PCDH9: variants seen among roughly 807,000 people sequenced by gnomAD.
PCDH9 encodes protocadherin-9.
In PCDH9, 24 loss-of-function variants were observed where a neutral mutation model predicts 70.6. That is an observed-to-expected ratio of 0.34 (90% CI 0.25 to 0.48). The LOEUF (loss-of-function observed/expected upper bound fraction) is 0.48. Ranked by LOEUF, PCDH9 falls within the 20% of genes least tolerant of loss-of-function variation. The probability of loss-of-function intolerance (pLI) is 0.99; values close to 1 mark genes in which losing one functional copy is unlikely to be tolerated. For synonymous variants in PCDH9, 562 were observed against 558.5 expected (o/e 1.01, Z -0.09); for missense variants, 1,281 against 1,503.6 (o/e 0.85, Z 2.45).
intron 4 of PCDH9, among the ~76,000 whole-genome samples, chr13:66,316,457 C>A (rs1220298126): frequency 1.3e-5 from 2 of 152,172 alleles, no homozygotes; most frequent in Admixed American, 6.5e-5. Flanking sequence ...CTGGTTCCTG[C>A]AGAGCTTTCT....
Position 66,949,008 on chromosome 13 carries a change from G to GA in PCDH9, c.3037-45404dup, listed in dbSNP as rs112573918. On this transcript the variant is annotated intron_variant, in intron 2 of 4. Coordinates refer to ENST00000377865, the MANE Select transcript of PCDH9 (RefSeq NM_203487.3). ...TACATGCTAAATCAGTGCTTAAAAGGAAAAAAAAAACTTCTCTTAATCTTT... is the reference window on the plus strand; with the variant it reads ...TACATGCTAAATCAGTGCTTAAAAGGAAAAAAAAAAACTTCTCTTAATCTTT... Among the ~76,000 whole-genome samples, 215 of 146,604 alleles carry GA rather than the reference G, an allele frequency of 1.5e-3. 1 individual carries two copies. The highest frequency in any genetic ancestry group is 3.9e-3 in the African/African-American group (158 of 40,164).
At chr13:67,026,229 C>T (rs1282540187) in intron 2 of PCDH9, among the ~76,000 whole-genome samples, 1 of 152,088 alleles carries the variant, frequency 6.6e-6, no homozygotes, top group African/African-American at 2.4e-5. Flanking sequence ...TTTTGATGTG[C>T]TGCTGGATTT....
chr13:66,557,054 A>G (rs1261093894), intron 4 of PCDH9, among the ~76,000 whole-genome samples: 1 of 152,200 alleles, frequency 6.6e-6, no homozygotes, highest in Non-Finnish European at 1.5e-5. Context: ...TTGCTTTACA[A>G]ATTACAAAGG....
intron 4 of PCDH9, among the ~76,000 whole-genome samples, chr13:66,551,247 C>A (rs1202734528): frequency 6.6e-6 from 1 of 152,098 alleles, no homozygotes; most frequent in Non-Finnish European, 1.5e-5. Flanking sequence ...AAGCTGTCTC[C>A]ACCAAAGGGA....
chr13:66,912,245 G>C (rs373928435), intron 2 of PCDH9, among the ~76,000 whole-genome samples: 1 of 152,024 alleles, frequency 6.6e-6, no homozygotes, highest in East Asian at 1.9e-4. Flanking sequence ...CTACTGTTGC[G>C]TTTCATTTTC....
chr13:66,892,187 A>G (rs1471149193), intron 3 of PCDH9, among the ~76,000 whole-genome samples: 3 of 149,448 alleles, frequency 2.0e-5, no homozygotes, highest in South Asian at 2.1e-4. Flanking sequence ...GTGTGTGTGT[A>G]TATATATGTG....
At chr13:66,596,048 A>G (rs2077098856) in intron 4 of PCDH9, among the ~76,000 whole-genome samples, 1 of 151,728 alleles carries the variant, frequency 6.6e-6, no homozygotes, top group South Asian at 2.1e-4. Flanking sequence ...TCATTTAACA[A>G]TAATTTGTGA....
intron 2 of PCDH9, among the ~76,000 whole-genome samples, chr13:67,117,043 A>G (rs542240901): frequency 1.3e-5 from 2 of 152,324 alleles, no homozygotes; most frequent in South Asian, 4.1e-4. Context: ...TTAAGGATAT[A>G]TTCTTAGAAT....
chr13:66,307,241 T>C (rs1468129043), intron 4 of PCDH9, among the ~76,000 whole-genome samples: 1 of 152,060 alleles, frequency 6.6e-6, no homozygotes, highest in Non-Finnish European at 1.5e-5. Context: ...CCCAACTAGA[T>C]TGAAAATTGA....
chr13:66,410,680 G>T (rs1957355464), intron 4 of PCDH9, among the ~76,000 whole-genome samples: 2 of 152,174 alleles, frequency 1.3e-5, no homozygotes, highest in Admixed American at 1.3e-4. Flanking sequence ...AAAGTGAGAA[G>T]CTGAATATCG....
At chr13:66,884,311 C>A (rs551578357) in intron 3 of PCDH9, among the ~76,000 whole-genome samples, 1 of 152,162 alleles carries the variant, frequency 6.6e-6, no homozygotes, top group Non-Finnish European at 1.5e-5. Context: ...TATCAGAATC[C>A]AATTGTTTCT....
At chr13:67,045,909 AT>A (rs1397186847) in intron 2 of PCDH9, among the ~76,000 whole-genome samples, 1 of 151,840 alleles carries the variant, frequency 6.6e-6, no homozygotes, top group African/African-American at 2.4e-5. Context: ...CCTTATTCTT[AT>A]TTTTCTCTTT....
intron 3 of PCDH9, among the ~76,000 whole-genome samples, chr13:66,684,493 T>C (rs914125930): frequency 6.6e-6 from 1 of 151,916 alleles, no homozygotes; most frequent in African/African-American, 2.4e-5. Context: ...GTTACCTCCA[T>C]ACTGTCCTTG....
chr13:67,174,868 G>C (rs1413127116), intron 2 of PCDH9, among the ~76,000 whole-genome samples: 2 of 151,412 alleles, frequency 1.3e-5, no homozygotes, highest in Non-Finnish European at 2.9e-5. Flanking sequence ...AAATTCAATA[G>C]GTCTTTAAAT....
chr13:66,864,932 G>T (rs750798524), intron 3 of PCDH9, among the ~76,000 whole-genome samples: 3 of 152,112 alleles, frequency 2.0e-5, no homozygotes, highest in Non-Finnish European at 4.4e-5. Context: ...ACTTTGCCGT[G>T]GTGAGAACCT....
chr13:66,387,984 G>A (rs1391384753), intron 4 of PCDH9, among the ~76,000 whole-genome samples: 1 of 152,124 alleles, frequency 6.6e-6, no homozygotes, highest in African/African-American at 2.4e-5. Flanking sequence ...ATATTCGGCA[G>A]TTTTTAAAAG....
intron 3 of PCDH9, among the ~76,000 whole-genome samples, chr13:66,661,740 G>A (rs1383302733): frequency 6.6e-6 from 1 of 152,150 alleles, no homozygotes; most frequent in Non-Finnish European, 1.5e-5. Context: ...GCTTAAATGT[G>A]GAGCAATGGA....
chr13:66,812,671 A>G (rs1274712578), intron 3 of PCDH9, among the ~76,000 whole-genome samples: 1 of 152,226 alleles, frequency 6.6e-6, no homozygotes, highest in African/African-American at 2.4e-5. Context: ...TAGGTATGCA[A>G]TGTTGTTTCC....
At chr13:66,338,402 G>C (rs924811613) in intron 4 of PCDH9, among the ~76,000 whole-genome samples, 4 of 151,950 alleles carry the variant, frequency 2.6e-5, no homozygotes, top group African/African-American at 7.2e-5. Context: ...ATTAAAATGA[G>C]AGGTTTTACA....
Sources: allele counts gnomAD v4.1 joint callset (sites outside exome capture counted in the v4.1 genomes callset), GRCh38; gene constraint gnomAD v4.1.1; transcripts MANE v1.5; gene names NCBI Gene and HGNC (gene_info 2026-07-23, HGNC 2026-07-21).